The following CDKAL1 variants were observed in gnomAD, a reference collection of about 807,000 sequenced individuals.
CDKAL1 encodes the protein CDKAL1 threonylcarbamoyladenosine tRNA methylthiotransferase, also known as threonylcarbamoyladenosine tRNA methylthiotransferase.
Under a neutral mutation model 68.2 loss-of-function variants are expected in CDKAL1, and 32 were observed. The observed-to-expected ratio is 0.47, with a 90% CI of 0.35 to 0.63. The LOEUF is 0.63. Among genes scored for constraint, CDKAL1 ranks in the 30% least tolerant of loss-of-function variants. The pLI is 0.00. For missense variants in CDKAL1, 606 were observed against 696.7 expected (o/e 0.87, Z 1.47); for synonymous variants, 234 against 244.3 (o/e 0.96, Z 0.39).
chr6:20,582,495 A>G (rs987072235), intron 4 of CDKAL1, among the ~76,000 whole-genome samples: 1 of 152,202 alleles, frequency 6.6e-6, no homozygotes, highest in African/African-American at 2.4e-5. Context: ...AACTCTTCAA[A>G]TGCATCTTTG....
chr6:20,920,676 A>T (rs1025743468), intron 9 of CDKAL1, among the ~76,000 whole-genome samples: 2 of 152,230 alleles, frequency 1.3e-5, no homozygotes, highest in Non-Finnish European at 2.9e-5. Flanking sequence ...GTATTAAAAT[A>T]ATAATGCTAA....
intron 4 of CDKAL1, among the ~76,000 whole-genome samples, chr6:20,602,739 T>G (rs1330104588): frequency 2.0e-5 from 3 of 152,166 alleles, no homozygotes; most frequent in Non-Finnish European, 4.4e-5. Flanking sequence ...GCAGCCTCAC[T>G]TGGTTGTTCT....
chr6:20,890,850 T>C (rs980466361), intron 9 of CDKAL1, among the ~76,000 whole-genome samples: 1 of 152,238 alleles, frequency 6.6e-6, no homozygotes, highest in African/African-American at 2.4e-5. Context: ...TAAAATTCAA[T>C]ATAATAATAA....
intron 11 of CDKAL1, among the ~76,000 whole-genome samples, chr6:21,017,135 G>C (rs1326457592): frequency 6.6e-6 from 1 of 151,956 alleles, no homozygotes; most frequent in East Asian, 1.9e-4. Context: ...TCTCCATTAT[G>C]GCACATACCA....
At chr6:20,966,110 G>A (rs933055488) in intron 10 of CDKAL1, among the ~76,000 whole-genome samples, 1 of 152,040 alleles carries the variant, frequency 6.6e-6, no homozygotes, top group African/African-American at 2.4e-5. Flanking sequence ...CGGGGGTAAT[G>A]AAGTTAATGG....
intron 9 of CDKAL1, among the ~76,000 whole-genome samples, chr6:20,908,207 C>A (rs1762317112): frequency 6.6e-6 from 1 of 152,080 alleles, no homozygotes; most frequent in African/African-American, 2.4e-5. Context: ...TCTACCACTT[C>A]AAATACCAGA....
chr6:20,715,661 T>C (rs1361009466), intron 5 of CDKAL1, among the ~76,000 whole-genome samples: 1 of 152,236 alleles, frequency 6.6e-6, no homozygotes, highest in African/African-American at 2.4e-5. Flanking sequence ...TGTACCAATC[T>C]ACATTCCTTC....
At chr6:20,713,477 A>T (rs1403970167) in intron 5 of CDKAL1, among the ~76,000 whole-genome samples, 1 of 152,202 alleles carries the variant, frequency 6.6e-6, no homozygotes, top group East Asian at 1.9e-4. Context: ...TAGACATCAT[A>T]TTAGGAGACT....
intron 5 of CDKAL1, among the ~76,000 whole-genome samples, chr6:20,683,640 T>G (rs1312217581): frequency 6.6e-6 from 1 of 152,182 alleles, no homozygotes; most frequent in East Asian, 1.9e-4. Context: ...CCCCCACATA[T>G]CTGCAGCCTC....
At chr6:20,907,364 G>A (rs1175526850) in intron 9 of CDKAL1, among the ~76,000 whole-genome samples, 1 of 152,160 alleles carries the variant, frequency 6.6e-6, no homozygotes, top group Non-Finnish European at 1.5e-5. Context: ...AGAGGCTGCA[G>A]TGAGCCGAGA....
At chr6:20,930,096 G>A (rs959995232) in intron 9 of CDKAL1, among the ~76,000 whole-genome samples, 14 of 152,080 alleles carry the variant, frequency 9.2e-5, no homozygotes, top group African/African-American at 3.1e-4. Flanking sequence ...ACCAAGAAAA[G>A]CTGCATTAAA....
intron 8 of CDKAL1, among the ~76,000 whole-genome samples, chr6:20,831,033 C>G (rs1310100064): frequency 6.6e-6 from 1 of 151,452 alleles, no homozygotes; most frequent in Non-Finnish European, 1.5e-5. Context: ...TATATAGTCT[C>G]TATATTACGT....
At chr6:20,720,245 G>A (rs560118953) in intron 5 of CDKAL1, among the ~76,000 whole-genome samples, 2 of 152,110 alleles carry the variant, frequency 1.3e-5, no homozygotes, top group South Asian at 2.1e-4. Flanking sequence ...CCATATATAG[G>A]CATTTTTTGT....
chr6:21,208,073 T>C (rs565369485), intron 15 of CDKAL1, among the ~76,000 whole-genome samples: 106 of 152,232 alleles, frequency 7.0e-4, no homozygotes, highest in African/African-American at 2.5e-3. Flanking sequence ...TACCATTCTC[T>C]TTCTTACAAG....
intron 4 of CDKAL1, among the ~76,000 whole-genome samples, chr6:20,624,919 A>G (rs558534636): frequency 6.6e-6 from 1 of 152,200 alleles, no homozygotes; most frequent in African/African-American, 2.4e-5. Flanking sequence ...TTCTGTCTGT[A>G]AGGCTTTTAT....
At chr6:20,538,842 A>G (rs1763277347) in intron 2 of CDKAL1, among the ~76,000 whole-genome samples, 1 of 152,208 alleles carries the variant, frequency 6.6e-6, no homozygotes, top group Non-Finnish European at 1.5e-5. Flanking sequence ...ATTCAACTTA[A>G]GCATTGTGTT....
chr6:21,128,066 C>T (rs542889285), intron 13 of CDKAL1, among the ~76,000 whole-genome samples: 125 of 152,310 alleles, frequency 8.2e-4, no homozygotes, highest in African/African-American at 2.9e-3. Flanking sequence ...CCCTGACTTA[C>T]AATGGTCCGA....
intron 13 of CDKAL1, among the ~76,000 whole-genome samples, chr6:21,124,561 C>CA (rs925112699): frequency 6.6e-6 from 1 of 151,912 alleles, no homozygotes; most frequent in African/African-American, 2.4e-5. Context: ...AGACTCCTCC[C>CA]ACTCCCTTTA....
At chr6:21,072,645 A>G (rs1771850075) in intron 12 of CDKAL1, among the ~76,000 whole-genome samples, 1 of 145,616 alleles carries the variant, frequency 6.9e-6, no homozygotes, top group Non-Finnish European at 1.5e-5. Context: ...CACGTTTTAG[A>G]CTTCAGTCAC....
Sources: gnomAD v4.1 joint callset for allele counts (sites outside exome capture counted in the v4.1 genomes callset) on GRCh38, gnomAD v4.1.1 for gene constraint, MANE v1.5 for transcripts, NCBI Gene and HGNC (gene_info 2026-07-23, HGNC 2026-07-21) for gene names.